IPCEF1: variants seen among roughly 807,000 people sequenced by gnomAD.
The protein encoded by IPCEF1 is interactor protein for cytohesin exchange factors 1.
IPCEF1 carries 31 observed loss-of-function variants against 50.9 expected under a neutral mutation model. The ratio of observed to expected loss-of-function variants is 0.61; its 90% CI spans 0.46 to 0.82. IPCEF1 has a LOEUF of 0.82. Ranked by LOEUF, IPCEF1 falls within the 40% of genes least tolerant of loss-of-function variation. The pLI is 0.00. For missense variants in IPCEF1, 458 were observed against 514.0 expected (o/e 0.89, Z 1.05); for synonymous variants, 181 against 192.0 (o/e 0.94, Z 0.47).
intron 1 of IPCEF1, among the ~76,000 whole-genome samples, chr6:154,292,392 G>A (rs144467146): frequency 2.6e-5 from 4 of 152,272 alleles, no homozygotes; most frequent in African/African-American, 7.2e-5. Flanking sequence ...GTCACAGTTT[G>A]CAATTTACAA....
chr6:154,174,108 A>G (rs1390778787), intron 10 of IPCEF1, among the ~76,000 whole-genome samples: 3 of 152,206 alleles, frequency 2.0e-5, no homozygotes, highest in African/African-American at 7.2e-5. Flanking sequence ...AGTCCTTTAC[A>G]GACAAGCAAA....
At chr6:154,200,749 A>T (rs912955558) in intron 9 of IPCEF1, among the ~76,000 whole-genome samples, 1 of 152,168 alleles carries the variant, frequency 6.6e-6, no homozygotes, top group East Asian at 1.9e-4. Context: ...CAAAAGCTGG[A>T]GCCATTCCAG....
At chr6:154,300,686 AC>A (rs1322836058) in intron 1 of IPCEF1, among the ~76,000 whole-genome samples, 4 of 151,986 alleles carry the variant, frequency 2.6e-5, no homozygotes, top group Non-Finnish European at 5.9e-5. Flanking sequence ...TTTTTCCGCC[AC>A]CCCCCAAAAA....
rs915288382 is a variant in IPCEF1, at chr6:154,267,216, T to C, written c.-17-1252A>G. Among the ~76,000 whole-genome samples, 25 of 152,112 alleles carry C rather than the reference T, an allele frequency of 1.6e-4. 1 individual carries two copies. Among genetic ancestry groups the C allele is most frequent in the Middle Eastern group, 3.4e-3 (1 of 294 alleles). ...ATATCTGAAATATACATTTAATACA[T>C]AAGAACCATAAAATAGAGTTCTTAC... On this transcript the variant is annotated intron_variant, in intron 2 of 11. Transcript: ENST00000367220.
chr6:154,190,143 T>A (rs1472353402), intron 10 of IPCEF1, among the ~76,000 whole-genome samples: 4 of 152,134 alleles, frequency 2.6e-5, no homozygotes, highest in Admixed American at 2.6e-4. Flanking sequence ...ACTCACAAAA[T>A]ATAAGACTGT....
chr6:154,304,119 A>G (rs1310442416), intron 1 of IPCEF1, among the ~76,000 whole-genome samples: 1 of 150,710 alleles, frequency 6.6e-6, no homozygotes, highest in East Asian at 2.0e-4. Flanking sequence ...GCTACTTGGA[A>G]GACTGAGTGG....
At chr6:154,263,324 T>C (rs1049756494) in intron 3 of IPCEF1, among the ~76,000 whole-genome samples, 23 of 148,054 alleles carry the variant, frequency 1.6e-4, no homozygotes, top group African/African-American at 5.8e-4. Context: ...AGGACAATAG[T>C]GGAGGGAAGG....
At chr6:154,258,505 A>G (rs1781515508) in intron 3 of IPCEF1, among the ~76,000 whole-genome samples, 1 of 152,204 alleles carries the variant, frequency 6.6e-6, no homozygotes, top group Admixed American at 6.5e-5. Flanking sequence ...ACCATGGTAC[A>G]CACACTGTGG....
intron 1 of IPCEF1, among the ~76,000 whole-genome samples, chr6:154,294,740 C>G (rs904163240): frequency 6.6e-6 from 1 of 152,128 alleles, no homozygotes; most frequent in Non-Finnish European, 1.5e-5. Context: ...CCTTCTCACC[C>G]TTCAAAGTGT....
chr6:154,223,409 G>A (rs940885302), intron 5 of IPCEF1, among the ~76,000 whole-genome samples, 166 bp from the exon 6 acceptor site: 1 of 152,156 alleles, frequency 6.6e-6, no homozygotes, highest in African/African-American at 2.4e-5. Context: ...CACAGCTCAT[G>A]AGAAAGATTA....
intron 1 of IPCEF1, among the ~76,000 whole-genome samples, chr6:154,339,966 C>A (rs1783874393): frequency 6.6e-6 from 1 of 152,012 alleles, no homozygotes; most frequent in African/African-American, 2.4e-5. Context: ...GGGAAACCTG[C>A]TAGCAAGAGG....
chr6:154,263,106 T>C (rs2128653093), intron 3 of IPCEF1, among the ~76,000 whole-genome samples: 1 of 152,234 alleles, frequency 6.6e-6, no homozygotes, highest in African/African-American at 2.4e-5. Flanking sequence ...ATTTTTCCTA[T>C]TTAAAAATTT....
intron 10 of IPCEF1, among the ~76,000 whole-genome samples, chr6:154,184,845 T>C (rs1260841568): frequency 6.6e-6 from 1 of 152,194 alleles, no homozygotes; most frequent in African/African-American, 2.4e-5. Flanking sequence ...CATGTTATAA[T>C]AATTTTGTAA....
intron 10 of IPCEF1, among the ~76,000 whole-genome samples, chr6:154,186,025 A>G (rs1421349167): frequency 6.6e-6 from 1 of 152,160 alleles, no homozygotes; most frequent in Non-Finnish European, 1.5e-5. Flanking sequence ...ATATTGGGGC[A>G]CCCCAGAGCT....
chr6:154,296,338 C>T (rs999753723), intron 1 of IPCEF1, among the ~76,000 whole-genome samples: 6 of 152,236 alleles, frequency 3.9e-5, no homozygotes, highest in East Asian at 1.9e-4. Flanking sequence ...AGTCACTTCT[C>T]GGATCCACCG....
At chr6:154,176,504 T>C (rs1292377441) in intron 10 of IPCEF1, among the ~76,000 whole-genome samples, 3 of 152,088 alleles carry the variant, frequency 2.0e-5, no homozygotes, top group Admixed American at 2.0e-4. Context: ...TGTGCAAAAA[T>C]CACAAGCATT....
intron 1 of IPCEF1, among the ~76,000 whole-genome samples, chr6:154,304,770 GA>G (rs201628677): frequency 1.7e-4 from 26 of 150,712 alleles, no homozygotes; most frequent in Admixed American, 1.7e-3. Flanking sequence ...TTTGGAAAAA[GA>G]AAAAAAAATC....
intron 2 of IPCEF1, among the ~76,000 whole-genome samples, chr6:154,279,657 C>T (rs1270779014): frequency 6.6e-6 from 1 of 152,190 alleles, no homozygotes; most frequent in African/African-American, 2.4e-5. Context: ...AAAGGAAAAG[C>T]TGTAAGTTGA....
At chr6:154,272,169 A>T (rs1261392846) in intron 2 of IPCEF1, among the ~76,000 whole-genome samples, 1 of 152,232 alleles carries the variant, frequency 6.6e-6, no homozygotes, top group Non-Finnish European at 1.5e-5. Context: ...ATTAAACGAG[A>T]TATCATATGG....
Sources: allele counts gnomAD v4.1 joint callset (sites outside exome capture counted in the v4.1 genomes callset), GRCh38; gene constraint gnomAD v4.1.1; transcripts MANE v1.5; gene names NCBI Gene and HGNC (gene_info 2026-07-23, HGNC 2026-07-21).